The following CMYA5 variants were observed in gnomAD, a reference collection of about 807,000 sequenced individuals.
CMYA5 encodes cardiomyopathy-associated protein 5.
A neutral mutation model predicts 318.9 loss-of-function variants in CMYA5; 246 were observed. The ratio of observed to expected loss-of-function variants is 0.77; its 90% CI spans 0.70 to 0.86. CMYA5 has a LOEUF of 0.86. CMYA5 is among the 40% of genes least tolerant of loss of function. The pLI, the probability that CMYA5 is intolerant of heterozygous loss-of-function variation, is 0.00. For synonymous variants in CMYA5, 1,641 were observed against 1,729.5 expected, an observed-to-expected ratio of 0.95 and a Z score of 1.27; for missense variants, 4,589 against 4,678.2, an observed-to-expected ratio of 0.98 and a Z score of 0.56.
rs760154144 is a variant in CMYA5 at position 79,736,239 on chromosome 5, G to T, written c.7474G>T (p.Gly2492Trp). Residue 2492 changes from glycine (G) to tryptophan (W), a missense_variant, in exon 2 of 13, where the codon GGG becomes TGG. Gly to Trp is a radical substitution (Grantham distance 184, BLOSUM62 -2). Transcript: ENST00000446378. The part of the protein sequence containing the change: ...PLELRDSNEI[G>W]KTQITLGSRS... Reference sequence around the variant, plus strand: ...AGAGCTTAGAGATAGTAATGAAATAGGGAAGACACAAATTACACTTGGATC... The same window carrying T: ...AGAGCTTAGAGATAGTAATGAAATATGGAAGACACAAATTACACTTGGATC... The T allele has an allele frequency of 3.1e-6, 5 of 1,613,400 alleles. No individual in the cohort carries two copies. The highest frequency in any genetic ancestry group is 4.2e-6 in the Non-Finnish European group (5 of 1,179,694).
intron 7 of CMYA5, among the ~76,000 whole-genome samples, chr5:79,761,205 A>T (rs1220658883): frequency 2.6e-5 from 4 of 152,210 alleles, no homozygotes; most frequent in Non-Finnish European, 5.9e-5. Context: ...TTGAAGGCAA[A>T]TGTCTTAATT....
At chr5:79,705,398 A>AATAG (rs201914337) in intron 1 of CMYA5, among the ~76,000 whole-genome samples, 1 of 150,604 alleles carries the variant, frequency 6.6e-6, no homozygotes, top group Non-Finnish European at 1.5e-5. Context: ...AAATACTATA[A>AATAG]ATAGATAGAT....
In CMYA5 at chr5:79,733,228, A is replaced by C; in HGVS notation, c.4463A>C (p.Glu1488Ala). The change falls in exon 2 of 13, where the codon GAA (glutamate) becomes GCA (alanine). Residue 1488 changes from glutamate to alanine, a missense_variant. Around this residue, in one of 3 missense-constraint regions of CMYA5, gnomAD observed 2,132 missense variants for 2,131.3 expected, o/e 1.00. Coordinates refer to ENST00000446378, the MANE Select transcript of CMYA5 (RefSeq NM_153610.5). ...SSSQHSDKSE[E>A]ARVEDKQDLL... ...TCTCAGCATTCAGATAAATCTGAGG[A>C]AGCAAGGGTAGAAGACAAACAAGAT... The C allele has an allele frequency of 6.2e-7, 1 of 1,613,692 alleles. No homozygotes were observed. Among genetic ancestry groups the C allele is most frequent in the Non-Finnish European group, 8.5e-7 (1 of 1,179,812 alleles).
chr5:79,751,142 C>T (rs752528612), intron 5 of CMYA5, among the ~76,000 whole-genome samples: 1 of 152,138 alleles, frequency 6.6e-6, no homozygotes, highest in Non-Finnish European at 1.5e-5. Flanking sequence ...CTTGCCAAGA[C>T]AGTCATCTAA....
intron 8 of CMYA5, chr5:79,762,565 T>C (rs1274516479): frequency 2.6e-5 from 4 of 153,502 alleles, no homozygotes; most frequent in Non-Finnish European, 4.3e-5. Context: ...GGAAATGCAT[T>C]CTCACGATGA....
At chr5:79,756,908 T>C (rs1015225231) in intron 6 of CMYA5, among the ~76,000 whole-genome samples, 2 of 152,026 alleles carry the variant, frequency 1.3e-5, no homozygotes, top group Non-Finnish European at 2.9e-5. Flanking sequence ...AACATGCTAT[T>C]GGGTCAGGTG....
At position 79,732,415 on chromosome 5, in the gene CMYA5, C is replaced by T. The variant is rs1827935126; in HGVS notation, c.3650C>T (p.Thr1217Ile). ...EEIVPDSQEA[T>I]AHVSQDQKME... ...ATTGTGCCTGATTCTCAAGAAGCTA[C>T]AGCACATGTATCACAGGATCAAAAA... The change falls in exon 2 of 13, where the codon ACA becomes ATA. Residue 1217 changes from threonine (T) to isoleucine (I), a missense_variant. Thr to Ile is a moderately conservative substitution (Grantham distance 89). Coordinates refer to ENST00000446378, the MANE Select transcript of CMYA5 (RefSeq NM_153610.5). 6.2e-7 allele frequency: 1 copy of T among 1,613,564 alleles called. No homozygotes were observed. The highest frequency in any genetic ancestry group is 1.7e-5 in the Admixed American group (1 of 59,922).
chr5:79,722,186 T>C (rs961251304), intron 1 of CMYA5, among the ~76,000 whole-genome samples: 6 of 152,202 alleles, frequency 3.9e-5, no homozygotes, highest in African/African-American at 1.4e-4. Flanking sequence ...TATTTTGAAA[T>C]TGCAAAATAC....
chr5:79,743,731 C>T lies in CMYA5; in HGVS notation c.10639-96C>T, dbSNP rs375598886. The T allele has an allele frequency of 4.2e-4, 264 of 629,132 alleles. 1 individual carries two copies. The highest frequency in any genetic ancestry group is 9.7e-4 in the African/African-American group (52 of 53,790). 39.0% of individuals were successfully genotyped at this position (629,132 alleles called of 1,614,324 possible). A position where few individuals can be genotyped will look rare whatever the true frequency, so the allele number is the denominator to read the frequency against. The stretch of plus-strand genomic sequence containing the variant: ...GTGGATATAGTATAGTAAGTCTCTA[C>T]GAAACATACTAAATTTATAAGGAAC... On this transcript the variant is annotated intron_variant, in intron 2 of 12. Transcript: ENST00000446378.
Position 79,729,576 on chromosome 5 carries a change from C to A in CMYA5, c.811C>A (p.Pro271Thr). Residue 271 changes from proline (P) to threonine (T), a missense_variant, in exon 2 of 13, where the codon CCA becomes ACA. Pro to Thr is a conservative substitution (Grantham distance 38). This residue lies in a region of CMYA5 where 2,132 missense variants were observed against 2,131.3 expected (regional missense o/e 1.00). Coordinates refer to ENST00000446378, the MANE Select transcript of CMYA5 (RefSeq NM_153610.5). ...GAAAGATGCATCCATTAGTCTAGAG[C>A]CAGATTTGGACAATAGTGGTTCTAA... is the stretch of plus-strand genomic sequence containing the variant. ...KGKDASISLE[P>T]DLDNSGSNTV... 6.2e-7 allele frequency: 1 copy of A among 1,613,286 alleles called. No homozygotes were observed. The highest frequency in any genetic ancestry group is 8.5e-7 in the Non-Finnish European group (1 of 1,179,306).
At chr5:79,696,700 T>C (rs940606952) in intron 1 of CMYA5, among the ~76,000 whole-genome samples, 2 of 152,232 alleles carry the variant, frequency 1.3e-5, no homozygotes, top group African/African-American at 2.4e-5. Flanking sequence ...ATTAATTTCT[T>C]CCATTTAAAG....
chr5:79,761,096 G>A (rs2151094773), intron 7 of CMYA5, among the ~76,000 whole-genome samples: 1 of 152,308 alleles, frequency 6.6e-6, no homozygotes, highest in African/African-American at 2.4e-5. Context: ...AAATTTCAGT[G>A]AGAATAATCA....
chr5:79,769,571 T>G (rs549465330), intron 9 of CMYA5, among the ~76,000 whole-genome samples: 1 of 152,316 alleles, frequency 6.6e-6, no homozygotes, highest in Admixed American at 6.5e-5. Flanking sequence ...GATGCAGGTC[T>G]ACTGCAGTTT....
chr5:79,763,335 A>G, intron 9 of CMYA5, 126 bp downstream of exon 9: 1 of 818,804 alleles, frequency 1.2e-6, no homozygotes. Context: ...GAGCTAATGA[A>G]GCCGCTGACT....
Position 79,745,221 on chromosome 5 carries a change from G to A in CMYA5, c.10735-1G>A. 1 of 1,554,322 alleles carries A rather than the reference G, an allele frequency of 6.4e-7. No homozygotes were observed. Among genetic ancestry groups the A allele is most frequent in the Non-Finnish European group, 8.7e-7 (1 of 1,147,544 alleles). ...GGGCTTTTTTGCTTGTTTGTTTTCA[G>A]GAAAACTGTAGTAAAAATGAGAAAA... On this transcript the variant is annotated splice_acceptor_variant, in intron 3 of 12. Coordinates refer to ENST00000446378, the MANE Select transcript of CMYA5 (RefSeq NM_153610.5). LOFTEE classifies it high-confidence loss of function.
At chr5:79,769,407 C>T (rs192844539) in intron 9 of CMYA5, among the ~76,000 whole-genome samples, 1 of 152,020 alleles carries the variant, frequency 6.6e-6, no homozygotes, top group East Asian at 1.9e-4. Flanking sequence ...AGCCTTTTTG[C>T]ACTGGTTTTT....
rs1580803397 is a variant in CMYA5 at position 79,778,811 on chromosome 5, C to CTGTGTGTGTGTGTGTGTGTGTGTGTA, written c.11556-10156_11556-10131dup. Among the ~76,000 whole-genome samples, 8 of 85,018 alleles carry CTGTGTGTGTGTGTGTGTGTGTGTGTA rather than the reference C, an allele frequency of 9.4e-5. 1 individual carries two copies. In the East Asian group the frequency reaches 5.7e-3, roughly 61 times the overall value. 55.8% of individuals were successfully genotyped at this position (85,018 alleles called of 152,430 possible). On this transcript the variant is annotated intron_variant, in intron 9 of 12. Coordinates refer to ENST00000446378, the MANE Select transcript of CMYA5 (RefSeq NM_153610.5). ...ATGCCGCCTGCCCCCCTCTCTCTTT[C>CTGTGTGTGTGTGTGTGTGTGTGTGTA]TGTGTGTGTGTGTGTGTGTGTGTGT...
Position 79,731,910 on chromosome 5 carries a change from A to G in CMYA5, c.3145A>G (p.Thr1049Ala), listed in dbSNP as rs768218205. Residue 1049 changes from threonine to alanine, a missense_variant, in exon 2 of 13, where the codon ACA becomes GCA. Thr to Ala is a moderately conservative substitution (Grantham distance 58). Transcript: ENST00000446378. ...AGCAGATGAGGAAGACATTGGATCCACAGCTGCTACACCTGTATCTGAGCA... is the reference window on the plus strand; with the variant it reads ...AGCAGATGAGGAAGACATTGGATCCGCAGCTGCTACACCTGTATCTGAGCA... ...SEADEEDIGS[T>A]AATPVSEQFS... 2.5e-6 allele frequency: 4 copies of G among 1,613,182 alleles called. No individual in the cohort carries two copies. The highest frequency in any genetic ancestry group is 3.4e-6 in the Non-Finnish European group (4 of 1,179,684).
chr5:79,799,873 A>AAG lies in CMYA5; in HGVS notation c.*259_*260dup. 2 of 142,348 alleles carry AAG rather than the reference A, an allele frequency of 1.4e-5. No homozygotes were observed. Among genetic ancestry groups the AAG allele is most frequent in the Non-Finnish European group, 2.8e-5 (2 of 72,556 alleles). 8.8% of individuals were successfully genotyped at this position (142,348 alleles called of 1,614,324 possible). A position where few individuals can be genotyped will look rare whatever the true frequency, so the allele number is the denominator to read the frequency against. On this transcript the variant is annotated 3_prime_UTR_variant, in exon 13 of 13. Transcript: ENST00000446378. ...AAGTTTGAGTTCTTTCCTAAATTAA[A>AAG]AGATCTACACTTGAGTTGGGAACCG...
Sources: gnomAD v4.1 joint callset for allele counts (sites outside exome capture counted in the v4.1 genomes callset) on GRCh38, gnomAD v4.1.1 for gene constraint, gnomAD v4.1.1 regional missense constraint, MANE v1.5 for transcripts, NCBI Gene and HGNC (gene_info 2026-07-23, HGNC 2026-07-21) for gene names.